The following ATRNL1 variants were observed in gnomAD, a reference collection of about 807,000 sequenced individuals.
ATRNL1 encodes the protein attractin-like protein 1.
Under a neutral mutation model 182.7 loss-of-function variants are expected in ATRNL1, and 95 were observed. The observed-to-expected ratio is 0.52, with a 90% CI of 0.44 to 0.62. The LOEUF (loss-of-function observed/expected upper bound fraction) is 0.62, where lower values mean the gene tolerates loss of function less well. Among genes scored for constraint, ATRNL1 ranks in the 20% least tolerant of loss-of-function variants. The pLI is 0.00. For synonymous variants in ATRNL1, 576 were observed against 568.3 expected, an observed-to-expected ratio of 1.01 and a Z score of -0.19; for missense variants, 1,471 against 1,679.5, an observed-to-expected ratio of 0.88 and a Z score of 2.17.
intron 22 of ATRNL1, among the ~76,000 whole-genome samples, chr10:115,463,730 G>T (rs1289356881): frequency 6.6e-6 from 1 of 151,826 alleles, no homozygotes; most frequent in African/African-American, 2.4e-5. Context: ...GCTTACTCTA[G>T]GTACCTCATA....
At chr10:115,513,492 A>AT (rs1233578254) in intron 24 of ATRNL1, among the ~76,000 whole-genome samples, 2 of 151,758 alleles carry the variant, frequency 1.3e-5, no homozygotes, top group African/African-American at 4.8e-5. Flanking sequence ...GCTAGCTTTT[A>AT]TTTTTAACTG....
At position 115,843,952 on chromosome 10, in the gene ATRNL1, T is replaced by C. The variant is rs542940711; in HGVS notation, c.3904-3925T>C. 2.0e-5 allele frequency among the ~76,000 whole-genome samples: 3 copies of C among 152,216 alleles called. No individual in the cohort carries two copies. In the South Asian group the frequency reaches 6.2e-4, roughly 32 times the overall value. The stretch of plus-strand genomic sequence containing the variant: ...AGGTCTACAACTTTATTTATGTCAC[T>C]TGAACTCTTAGACCTTCAGTTTCAT... On this transcript the variant is annotated intron_variant, in intron 27 of 28. Coordinates refer to ENST00000355044, the MANE Select transcript of ATRNL1 (RefSeq NM_207303.4).
chr10:115,280,716 G>A (rs10787557), intron 13 of ATRNL1, among the ~76,000 whole-genome samples: 98,768 of 152,086 alleles, frequency 0.65, 32,500 homozygotes, highest in East Asian at 0.82. Flanking sequence ...AGTCTCCGGG[G>A]TGTAGACCAT....
chr10:115,230,203 G>A (rs1554899639), intron 9 of ATRNL1, among the ~76,000 whole-genome samples: 7 of 152,090 alleles, frequency 4.6e-5, no homozygotes, highest in Non-Finnish European at 7.4e-5. Context: ...ATGGAGAGAG[G>A]CAGACAATAA....
At chr10:115,276,828 C>T (rs1386910628) in intron 13 of ATRNL1, among the ~76,000 whole-genome samples, 7 of 152,098 alleles carry the variant, frequency 4.6e-5, no homozygotes, top group Admixed American at 3.9e-4. Context: ...CATTGATTAA[C>T]TTGGCTCTAT....
intron 10 of ATRNL1, among the ~76,000 whole-genome samples, chr10:115,244,520 G>A (rs1280587925): frequency 1.3e-5 from 2 of 152,174 alleles, no homozygotes; most frequent in Non-Finnish European, 2.9e-5. Context: ...AGTGACTAAA[G>A]TGCAGCTGAT....
intron 19 of ATRNL1, among the ~76,000 whole-genome samples, chr10:115,334,670 A>G (rs1855397833): frequency 6.6e-6 from 1 of 152,190 alleles, no homozygotes; most frequent in Non-Finnish European, 1.5e-5. Context: ...AACACAGATA[A>G]ATAAAAGAAA....
intron 27 of ATRNL1, among the ~76,000 whole-genome samples, chr10:115,738,126 ATTTTTTTT>A (rs10546896): frequency 0.03 from 1,430 of 47,032 alleles, 37 homozygotes; most frequent in African/African-American, 0.087. Context: ...GAAGATAATG[ATTTTTTTT>A]TTTTTTTTTT....
intron 13 of ATRNL1, among the ~76,000 whole-genome samples, chr10:115,271,851 C>T (rs1465197423): frequency 1.3e-5 from 2 of 152,096 alleles, no homozygotes; most frequent in African/African-American, 2.4e-5. Context: ...TTGTCCCTGC[C>T]CAAATTTCTG....
intron 27 of ATRNL1, among the ~76,000 whole-genome samples, chr10:115,792,155 G>C (rs1256597451): frequency 6.6e-6 from 1 of 152,040 alleles, no homozygotes; most frequent in Admixed American, 6.6e-5. Flanking sequence ...AGTAATCAGA[G>C]GTTATGCAAA....
At chr10:115,729,495 T>TTTTGTG (rs1252029500) in intron 27 of ATRNL1, among the ~76,000 whole-genome samples, 1 of 142,100 alleles carries the variant, frequency 7.0e-6, no homozygotes, top group Non-Finnish European at 1.5e-5. Flanking sequence ...CTACCCCATT[T>TTTTGTG]TGTGTGTGTG....
intron 19 of ATRNL1, among the ~76,000 whole-genome samples, chr10:115,372,324 A>G (rs1321098207): frequency 3.9e-5 from 6 of 152,238 alleles, no homozygotes; most frequent in African/African-American, 1.4e-4. Flanking sequence ...GCGTATCTTC[A>G]CTGTGTGGAT....
In ATRNL1 at chr10:115,600,257, G is replaced by A. The variant is rs797022885; in HGVS notation, c.3795+50721G>A. 4.6e-5 allele frequency among the ~76,000 whole-genome samples: 7 copies of A among 152,118 alleles called. No homozygotes were observed. The South Asian group carries it at 1.4e-3, about 31-fold the overall frequency. On this transcript the variant is annotated intron_variant, in intron 26 of 28. Coordinates refer to ENST00000355044, the MANE Select transcript of ATRNL1 (RefSeq NM_207303.4). The stretch of plus-strand genomic sequence containing the variant: ...TGTGAAATTTAAAAAAATTTAACTT[G>A]AGTAAATGCCTAATAGTACAATTTC...
chr10:115,653,730 C>A (rs1474427913), intron 26 of ATRNL1, among the ~76,000 whole-genome samples: 2 of 152,148 alleles, frequency 1.3e-5, no homozygotes, highest in Admixed American at 1.3e-4. Context: ...ATTCATTTCT[C>A]TCCCCAACAC....
At chr10:115,569,229 A>G (rs1052121887) in intron 26 of ATRNL1, among the ~76,000 whole-genome samples, 1 of 152,132 alleles carries the variant, frequency 6.6e-6, no homozygotes, top group Non-Finnish European at 1.5e-5. Context: ...CTTTTATTAT[A>G]AATGCATTCT....
chr10:115,588,267 T>C (rs1855688867), intron 26 of ATRNL1, among the ~76,000 whole-genome samples: 1 of 152,196 alleles, frequency 6.6e-6, no homozygotes, highest in Non-Finnish European at 1.5e-5. Flanking sequence ...TGGTGATTTA[T>C]GTATGGACTA....
intron 1 of ATRNL1, among the ~76,000 whole-genome samples, chr10:115,097,256 G>A (rs1488270436): frequency 1.3e-5 from 2 of 152,138 alleles, no homozygotes; most frequent in Non-Finnish European, 2.9e-5. Context: ...GGCCGAGGTG[G>A]AAGGATCCCT....
intron 26 of ATRNL1, among the ~76,000 whole-genome samples, chr10:115,650,198 T>A (rs1364029371): frequency 6.6e-6 from 1 of 152,094 alleles, no homozygotes; most frequent in Non-Finnish European, 1.5e-5. Context: ...ATTATAGTAC[T>A]TAAGCTGTGC....
At chr10:115,634,486 A>T (rs1371335199) in intron 26 of ATRNL1, among the ~76,000 whole-genome samples, 4 of 152,186 alleles carry the variant, frequency 2.6e-5, no homozygotes, top group African/African-American at 9.6e-5. Context: ...TGACCACCAG[A>T]CAGTATGCAA....
Sources: allele counts gnomAD v4.1 joint callset (sites outside exome capture counted in the v4.1 genomes callset), GRCh38; gene constraint gnomAD v4.1.1; transcripts MANE v1.5; gene names NCBI Gene and HGNC (gene_info 2026-07-23, HGNC 2026-07-21).